CSF1R: variants seen among roughly 807,000 people sequenced by gnomAD.
CSF1R encodes colony stimulating factor 1 receptor.
In CSF1R, 40 loss-of-function variants were observed where a neutral mutation model predicts 110.0. That is an observed-to-expected ratio of 0.36 (90% CI 0.28 to 0.47). The LOEUF is 0.47. Ranked by LOEUF, CSF1R falls within the 20% of genes least tolerant of loss-of-function variation. CSF1R has a pLI of 0.99. For synonymous variants in CSF1R, 523 were observed against 503.4 expected, an observed-to-expected ratio of 1.04 and a Z score of -0.52; for missense variants, 1,052 against 1,253.0, an observed-to-expected ratio of 0.84 and a Z score of 2.42.
intron 1 of CSF1R, among the ~76,000 whole-genome samples, chr5:150,092,172 C>A (rs1050345908): frequency 6.6e-6 from 1 of 152,148 alleles, no homozygotes. Flanking sequence ...CTATTGAGCA[C>A]GCTATGTTCC....
At chr5:150,097,788 TG>T (rs1181021976) in intron 1 of CSF1R, among the ~76,000 whole-genome samples, 1 of 152,334 alleles carries the variant, frequency 6.6e-6, no homozygotes, top group Admixed American at 6.5e-5. Context: ...ACAATGTTTG[TG>T]GGTTTGAAGA....
rs755763539 is a variant in CSF1R, at chr5:150,056,105, C to T, written c.2475G>A (p.Glu825=). ...CCGTGTAGACACAGTCAAAGATGCT[C>T]TCTGGGGCCATCCACTTCACAGGCA... ...ARLPVKWMAP[E]SIFDCVYTVQ... is the part of the protein sequence containing the mutation. Residue 825 remains glutamate, a synonymous_variant, in exon 18 of 21, where the codon GAG becomes GAA. Coordinates refer to ENST00000675795, the MANE Select transcript of CSF1R (RefSeq NM_001288705.3). 1.2e-6 allele frequency: 2 copies of T among 1,614,222 alleles called. No individual in the cohort carries two copies. The highest frequency in any genetic ancestry group is 1.7e-5 in the Admixed American group (1 of 60,026).
intron 1 of CSF1R, among the ~76,000 whole-genome samples, chr5:150,106,644 T>G (rs999391073): frequency 6.6e-6 from 1 of 152,170 alleles, no homozygotes; most frequent in Non-Finnish European, 1.5e-5. Flanking sequence ...TTGCTCCCAT[T>G]ACTATTGCAG....
At chr5:150,102,800 G>C (rs1264889178) in intron 1 of CSF1R, among the ~76,000 whole-genome samples, 1 of 152,224 alleles carries the variant, frequency 6.6e-6, no homozygotes, top group Non-Finnish European at 1.5e-5. Context: ...TTCGTTATCT[G>C]TATTATGTCT....
At position 150,057,630 on chromosome 5, in the gene CSF1R, A is replaced by G. The variant is rs754016717; in HGVS notation, c.2133-38T>C. ...GAGGGTTGGGGGGCAGAGGTCACTC[A>G]TCATCACTGCACTGCTCAGCTCAGG... is the stretch of plus-strand genomic sequence containing the variant. On this transcript the variant is annotated intron_variant, in intron 14 of 20. Transcript: ENST00000675795. The G allele has an allele frequency of 7.9e-5, 117 of 1,481,672 alleles. No individual in the cohort carries two copies. The East Asian group carries it at 8.1e-4, about 10-fold the overall frequency. 91.8% of individuals were successfully genotyped at this position (1,481,672 alleles called of 1,614,324 possible).
upstream of CSF1R, among the ~76,000 whole-genome samples, chr5:150,087,545 A>G (rs78837117): frequency 0.052 from 7,904 of 152,298 alleles, 300 homozygotes; most frequent in Middle Eastern, 0.092. Context: ...TTATAAAACT[A>G]TCTTTTGTGC....
chr5:150,061,138 C>T (rs755764530), intron 12 of CSF1R, among the ~76,000 whole-genome samples, 166 bp from the exon 13 acceptor site: 3 of 152,176 alleles, frequency 2.0e-5, no homozygotes, highest in Non-Finnish European at 4.4e-5. Flanking sequence ...TGCAGACACA[C>T]AGATGGCAGA....
intron 1 of CSF1R, among the ~76,000 whole-genome samples, chr5:150,112,247 A>G (rs369367726): frequency 4.0e-5 from 6 of 148,590 alleles, no homozygotes; most frequent in Non-Finnish European, 7.5e-5. Context: ...AAAAACAAAC[A>G]AAACAACAAC....
At chr5:150,083,396 A>ACACG (rs1282554158) in intron 1 of CSF1R, among the ~76,000 whole-genome samples, 2 of 142,180 alleles carry the variant, frequency 1.4e-5, no homozygotes, top group East Asian at 4.1e-4. Context: ...ACACACACAC[A>ACACG]CACACTGCAC....
intron 1 of CSF1R, among the ~76,000 whole-genome samples, chr5:150,082,383 C>T (rs1055301302): frequency 1.3e-5 from 2 of 152,234 alleles, no homozygotes; most frequent in African/African-American, 2.4e-5. Context: ...GCTTAATTCA[C>T]GTTTTGATTT....
intron 1 of CSF1R, among the ~76,000 whole-genome samples, chr5:150,109,339 C>T (rs1285792508): frequency 1.3e-5 from 2 of 152,110 alleles, no homozygotes; most frequent in African/African-American, 4.8e-5. Flanking sequence ...ACACCCTACA[C>T]CATGAGGGAC....
intron 10 of CSF1R, among the ~76,000 whole-genome samples, chr5:150,067,886 GCTGT>G (rs1757844045): frequency 1.3e-5 from 2 of 152,072 alleles, no homozygotes; most frequent in African/African-American, 4.8e-5. Context: ...CTGGGATCTG[GCTGT>G]ATCACCCAGG....
At chr5:150,074,302 C>A (rs1348918429) in intron 5 of CSF1R, among the ~76,000 whole-genome samples, 1 of 126,492 alleles carries the variant, frequency 7.9e-6, no homozygotes, top group Non-Finnish European at 1.6e-5. Context: ...AGAGTCCTGA[C>A]TAGTTTTTTT....
At chr5:150,075,688 C>G (rs1174813443) in intron 5 of CSF1R, among the ~76,000 whole-genome samples, 1 of 152,212 alleles carries the variant, frequency 6.6e-6, no homozygotes, top group Non-Finnish European at 1.5e-5. Flanking sequence ...GTTGTTGTAT[C>G]TGTTTCACTT....
chr5:150,106,079 G>A (rs1759546541), intron 1 of CSF1R, among the ~76,000 whole-genome samples: 2 of 152,194 alleles, frequency 1.3e-5, no homozygotes, highest in Non-Finnish European at 1.5e-5. Flanking sequence ...TGCACAGGGC[G>A]ATCCTGACCT....
intron 1 of CSF1R, among the ~76,000 whole-genome samples, chr5:150,112,713 T>C (rs1394685937): frequency 6.6e-6 from 1 of 152,214 alleles, no homozygotes; most frequent in Non-Finnish European, 1.5e-5. Context: ...GGGCTTTGTA[T>C]GGCCAGGCCT....
upstream of CSF1R, among the ~76,000 whole-genome samples, chr5:150,088,626 C>T (rs373219602): frequency 1.2e-4 from 18 of 152,034 alleles, no homozygotes; most frequent in African/African-American, 4.1e-4. Context: ...CTCTGCCTCC[C>T]GCGTTCAAGC....
At chr5:150,099,720 G>A (rs1759341091) in intron 1 of CSF1R, among the ~76,000 whole-genome samples, 1 of 150,974 alleles carries the variant, frequency 6.6e-6, no homozygotes, top group South Asian at 2.1e-4. Flanking sequence ...GGAGATGGAG[G>A]GAGGGCTTCA....
chr5:150,102,202 T>C (rs1402518250), intron 1 of CSF1R, among the ~76,000 whole-genome samples: 2 of 152,082 alleles, frequency 1.3e-5, no homozygotes, highest in East Asian at 1.9e-4. Context: ...CATGGAGATA[T>C]TGTTAAATTG....
Sources: allele counts gnomAD v4.1 joint callset (sites outside exome capture counted in the v4.1 genomes callset), GRCh38; gene constraint gnomAD v4.1.1; transcripts MANE v1.5; gene names NCBI Gene and HGNC (gene_info 2026-07-23, HGNC 2026-07-21).